The following PRKAR2A variants were observed in gnomAD, a reference collection of about 807,000 sequenced individuals.
The protein encoded by PRKAR2A is cAMP-dependent protein kinase type II-alpha regulatory subunit.
PRKAR2A carries 29 observed loss-of-function variants against 51.9 expected under a neutral mutation model. The ratio of observed to expected loss-of-function variants is 0.56; its 90% confidence interval spans 0.42 to 0.76. The LOEUF (loss-of-function observed/expected upper bound fraction) is 0.76, where lower values mean the gene tolerates loss of function less well. PRKAR2A is among the 30% of genes least tolerant of loss of function. The pLI, the probability that PRKAR2A is intolerant of heterozygous loss-of-function variation, is 0.00. For missense variants in PRKAR2A, 445 were observed against 512.1 expected, an observed-to-expected ratio of 0.87 and a Z score of 1.26; for synonymous variants, 178 against 186.2, an observed-to-expected ratio of 0.96 and a Z score of 0.36.
At chr3:48,764,192 C>G (rs905343452) in intron 8 of PRKAR2A, among the ~76,000 whole-genome samples, 4 of 152,138 alleles carry the variant, frequency 2.6e-5, no homozygotes, top group Non-Finnish European at 5.9e-5. Flanking sequence ...AAGTCCAATA[C>G]TATTTATGTT....
Position 48,751,725 on chromosome 3 carries a change from T to G in PRKAR2A, c.1082-7A>C. 1 of 1,604,460 alleles carries G rather than the reference T, an allele frequency of 6.2e-7. No homozygotes were observed. The highest frequency in any genetic ancestry group is 8.5e-7 in the Non-Finnish European group (1 of 1,172,908). ...AATGCTTGTACATCCATAACTGCAT[T>G]GTTAAAAAGAGGTGAGGGAGAGAAT... On this transcript the variant is annotated splice_polypyrimidine_tract_variant and splice_region_variant and intron_variant, in intron 10 of 10. Coordinates refer to ENST00000265563, the MANE Select transcript of PRKAR2A (RefSeq NM_004157.4).
At position 48,747,441 on chromosome 3, in the gene PRKAR2A, T is replaced by TA. The variant is rs1371923011; in HGVS notation, c.*4143dup. On this transcript the variant is annotated 3_prime_UTR_variant, in exon 11 of 11. Coordinates refer to ENST00000265563, the MANE Select transcript of PRKAR2A (RefSeq NM_004157.4). Reference sequence around the variant, plus strand: ...CAACAGCACCTCTCACTGAATACGATATCACTGTGTGCAGAGAAAACGGGC... The same window carrying TA: ...CAACAGCACCTCTCACTGAATACGATAATCACTGTGTGCAGAGAAAACGGGC... 6.6e-6 allele frequency: 1 copy of TA among 152,142 alleles called. No homozygotes were observed. The highest frequency in any genetic ancestry group is 1.5e-5 in the Non-Finnish European group (1 of 68,038). The allele number at this position is 152,142 out of a possible 1,614,324, so 9.4% of individuals were successfully genotyped here.
intron 1 of PRKAR2A, among the ~76,000 whole-genome samples, chr3:48,809,035 C>T (rs548841263): frequency 6.6e-6 from 1 of 152,232 alleles, no homozygotes; most frequent in African/African-American, 2.4e-5. Context: ...CCCACCTTGG[C>T]CTCCCAAAGT....
intron 2 of PRKAR2A, among the ~76,000 whole-genome samples, chr3:48,800,822 G>A (rs919353452): frequency 1.3e-5 from 2 of 151,518 alleles, no homozygotes; most frequent in African/African-American, 2.4e-5. Flanking sequence ...ACAGGCGCCC[G>A]CCACCACACC....
intron 5 of PRKAR2A, among the ~76,000 whole-genome samples, chr3:48,777,361 A>G (rs1316320523): frequency 6.6e-6 from 1 of 152,158 alleles, no homozygotes; most frequent in Non-Finnish European, 1.5e-5. Flanking sequence ...TAATGGAATC[A>G]TACACTGGTA....
intron 8 of PRKAR2A, among the ~76,000 whole-genome samples, chr3:48,759,222 T>C (rs1257219622): frequency 6.6e-6 from 1 of 152,132 alleles, no homozygotes; most frequent in Admixed American, 6.5e-5. Flanking sequence ...ACAGGCTAAA[T>C]GTGTGGGCCA....
intron 1 of PRKAR2A, among the ~76,000 whole-genome samples, chr3:48,846,053 T>C (rs1310743064): frequency 1.3e-5 from 2 of 152,122 alleles, no homozygotes; most frequent in Non-Finnish European, 2.9e-5. Flanking sequence ...TTGGAGTTTA[T>C]TGCAAACTCT....
chr3:48,815,193 C>T (rs1049430108), intron 1 of PRKAR2A, among the ~76,000 whole-genome samples: 16 of 152,138 alleles, frequency 1.1e-4, no homozygotes, highest in East Asian at 1.9e-4. Context: ...GAATTACACG[C>T]GTTAGCCACT....
chr3:48,756,777 A>T (rs2081776067), intron 8 of PRKAR2A, among the ~76,000 whole-genome samples: 1 of 152,206 alleles, frequency 6.6e-6, no homozygotes, highest in South Asian at 2.1e-4. Flanking sequence ...CAGATAACGC[A>T]TTATTACTCA....
rs1185700169 is a variant in PRKAR2A, at chr3:48,832,301, AAAAAAAAAAC to A, written c.262+15024_262+15033del. 2.1e-4 allele frequency among the ~76,000 whole-genome samples: 32 copies of A among 151,406 alleles called. 1 individual carries two copies. In the South Asian group the frequency reaches 4.4e-3, roughly 21 times the overall value. On this transcript the variant is annotated intron_variant, in intron 1 of 10. Coordinates refer to ENST00000265563, the MANE Select transcript of PRKAR2A (RefSeq NM_004157.4). ...AAGAGTGAAAAACTTCATCTCAAAA[AAAAAAAAAAC>A]AAAAAAAAACAAAACTGCTGACAAA...
intron 1 of PRKAR2A, among the ~76,000 whole-genome samples, chr3:48,810,403 TTCCTGTGTACTTTAAATCA>T (rs1677532997): frequency 6.6e-6 from 1 of 152,172 alleles, no homozygotes; most frequent in African/African-American, 2.4e-5. Context: ...TATGCATATC[TTCCTGTGTACTTTAAATCA>T]TCTCTAGATT....
chr3:48,838,156 C>A (rs543559200), intron 1 of PRKAR2A, among the ~76,000 whole-genome samples: 51 of 151,774 alleles, frequency 3.4e-4, no homozygotes, highest in African/African-American at 1.0e-3. Context: ...CCAGCCTGGG[C>A]GACAGAGCAA....
In PRKAR2A at chr3:48,791,282, T is replaced by A. The variant is rs573445364; in HGVS notation, c.352-655A>T. ...AGCCTAGCGACAGAGAGAGATTCCA[T>A]CTTAAAAAAAAAAAAAAAAAAAAAA... On this transcript the variant is annotated intron_variant, in intron 3 of 10. Transcript: ENST00000265563. Among the ~76,000 whole-genome samples the A allele has an allele frequency of 2.2e-4, 17 of 79,004 alleles. No individual in the cohort carries two copies. In the East Asian group the frequency reaches 5.5e-3, roughly 25 times the overall value. The allele number at this position is 79,004 out of a possible 152,430, so 51.8% of individuals were successfully genotyped here.
At chr3:48,805,980 C>T (rs1362586068) in intron 2 of PRKAR2A, among the ~76,000 whole-genome samples, 7 of 152,120 alleles carry the variant, frequency 4.6e-5, no homozygotes, top group Non-Finnish European at 8.8e-5. Context: ...TCTCCATCTC[C>T]CAGACCTATC....
intron 5 of PRKAR2A, among the ~76,000 whole-genome samples, chr3:48,776,264 G>A (rs779931006): frequency 2.2e-4 from 34 of 152,116 alleles, no homozygotes; most frequent in Non-Finnish European, 4.0e-4. Context: ...TTTCTGCAAG[G>A]TAATTAAAGC....
intron 1 of PRKAR2A, among the ~76,000 whole-genome samples, chr3:48,813,476 C>G (rs1380723089): frequency 1.3e-5 from 2 of 151,878 alleles, no homozygotes; most frequent in African/African-American, 4.8e-5. Context: ...CGGCGGATCA[C>G]GAGGTCAGGA....
Position 48,794,067 on chromosome 3 carries a change from AAAAC to A in PRKAR2A, c.299-22_299-19del. 1 of 1,576,552 alleles carries A rather than the reference AAAAC, an allele frequency of 6.3e-7. No homozygotes were observed. The highest frequency in any genetic ancestry group is 8.7e-7 in the Non-Finnish European group (1 of 1,150,818). On this transcript the variant is annotated intron_variant, in intron 2 of 10. Transcript: ENST00000265563. Reference sequence around the variant, plus strand: ...AGCACAGACTAAAATTGGAGAGAAAAAAACAAAAAGAATGAATTTAACAGATGTG... The same window carrying A: ...AGCACAGACTAAAATTGGAGAGAAAAAAAAAGAATGAATTTAACAGATGTG...
At chr3:48,806,103 A>C (rs765081283) in intron 2 of PRKAR2A, among the ~76,000 whole-genome samples, 5 of 152,138 alleles carry the variant, frequency 3.3e-5, no homozygotes, top group Non-Finnish European at 7.3e-5. Context: ...CTTAATCCCT[A>C]CTCTCAGGAT....
intron 6 of PRKAR2A, among the ~76,000 whole-genome samples, chr3:48,768,902 C>A (rs2081980844): frequency 6.6e-6 from 1 of 151,994 alleles, no homozygotes; most frequent in African/African-American, 2.4e-5. Flanking sequence ...AGTTCGAAAC[C>A]AGCCTAGCCA....
Sources: gnomAD v4.1 joint callset for allele counts (sites outside exome capture counted in the v4.1 genomes callset) on GRCh38, gnomAD v4.1.1 for gene constraint, MANE v1.5 for transcripts, NCBI Gene and HGNC (gene_info 2026-07-23, HGNC 2026-07-21) for gene names.